The following TAF4 variants were observed in gnomAD, a reference collection of about 807,000 sequenced individuals.
TAF4 encodes transcription initiation factor TFIID subunit 4.
TAF4 carries 9 observed loss-of-function variants against 90.3 expected under a neutral mutation model. That is an observed-to-expected ratio of 0.10 (90% confidence interval 0.06 to 0.17). TAF4 has a LOEUF of 0.17. Among genes scored for constraint, TAF4 ranks in the 10% least tolerant of loss-of-function variants. The pLI, the probability that TAF4 is intolerant of heterozygous loss-of-function variation, is 1.00. For missense variants in TAF4, 1,351 were observed against 1,370.7 expected (o/e 0.99, Z 0.23); for synonymous variants, 818 against 638.9 (o/e 1.28, Z -4.23).
chr20:62,023,620 C>A (rs1417690028), intron 1 of TAF4, among the ~76,000 whole-genome samples: 1 of 151,328 alleles, frequency 6.6e-6, no homozygotes, highest in African/African-American at 2.4e-5. Context: ...TGGTGGCGCA[C>A]ACCTGTAATC....
chr20:61,979,719 C>T (rs1306451909), intron 14 of TAF4, among the ~76,000 whole-genome samples: 5 of 146,590 alleles, frequency 3.4e-5, no homozygotes, highest in Admixed American at 3.4e-4. Context: ...GACTGTGGCC[C>T]GTGCAGGCGC....
Position 62,065,159 on chromosome 20 carries a change from C to T in TAF4, c.652G>A (p.Val218Ile). 2.5e-6 allele frequency: 3 copies of T among 1,207,196 alleles called. No homozygotes were observed. Among genetic ancestry groups the T allele is most frequent in the Non-Finnish European group, 3.2e-6 (3 of 948,080 alleles). The allele number at this position is 1,207,196 out of a possible 1,614,324, so 74.8% of individuals were successfully genotyped here. A position where few individuals can be genotyped will look rare whatever the true frequency, so the allele number is the denominator to read the frequency against. The change falls in exon 1 of 15, where the codon GTC (valine) becomes ATC (isoleucine). Residue 218 changes from valine (V) to isoleucine (I), a missense_variant. Transcript: ENST00000252996. ...HHAAAPAVSL[V>I]NNGPAALLPL... The stretch of plus-strand genomic sequence containing the variant: ...AGCAGCGCGGCGGGCCCGTTGTTGA[C>T]CAGGCTGACAGCAGGTGCGGCGGCG...
chr20:62,036,853 CG>C (rs930770672), intron 1 of TAF4, among the ~76,000 whole-genome samples: 3 of 152,160 alleles, frequency 2.0e-5, no homozygotes, highest in African/African-American at 7.2e-5. Flanking sequence ...GTAGCAGAAG[CG>C]GGGGGACTTT....
chr20:62,025,712 T>C (rs1017133767), intron 1 of TAF4, among the ~76,000 whole-genome samples: 2 of 152,230 alleles, frequency 1.3e-5, no homozygotes, highest in East Asian at 1.9e-4. Context: ...CTTTCCTTTA[T>C]AAGTCACCCA....
chr20:62,052,279 G>A (rs756380541), intron 1 of TAF4, among the ~76,000 whole-genome samples: 11 of 138,406 alleles, frequency 7.9e-5, no homozygotes, highest in Non-Finnish European at 1.4e-4. Context: ...CCCGAAGCAC[G>A]AATCCAAATG....
intron 7 of TAF4, 54 bp from the exon 8 acceptor site, chr20:62,003,932 A>G: frequency 2.0e-6 from 3 of 1,499,814 alleles, no homozygotes; most frequent in Non-Finnish European, 2.6e-6. Flanking sequence ...GCCAGGGGCC[A>G]CTCAGTCCCT....
chr20:62,053,720 G>A (rs1440929002), intron 1 of TAF4, among the ~76,000 whole-genome samples: 1 of 152,242 alleles, frequency 6.6e-6, no homozygotes, highest in Non-Finnish European at 1.5e-5. Flanking sequence ...AGCACGGTCT[G>A]AGGCCTGCTG....
intron 14 of TAF4, among the ~76,000 whole-genome samples, chr20:61,981,956 G>T (rs112542310): frequency 1.1e-3 from 120 of 110,054 alleles, no homozygotes; most frequent in African/African-American, 4.0e-3. Context: ...CACACCCACC[G>T]GAGAGGAGAC....
intron 1 of TAF4, 171 bp downstream of exon 1, chr20:62,064,280 A>C (rs904436299): frequency 2.8e-6 from 2 of 704,322 alleles, no homozygotes; most frequent in East Asian, 3.4e-5. Context: ...TCACTCGCAG[A>C]CAGCCACCCG....
chr20:62,048,598 C>A (rs981209917), intron 1 of TAF4, among the ~76,000 whole-genome samples: 2 of 152,072 alleles, frequency 1.3e-5, no homozygotes, highest in Non-Finnish European at 2.9e-5. Context: ...CCCCACGTGC[C>A]CACCTCCGTC....
In TAF4 at chr20:62,006,401, T is replaced by C; in HGVS notation, c.2223+109A>G. On this transcript the variant is annotated intron_variant, in intron 7 of 14. Coordinates refer to ENST00000252996, the MANE Select transcript of TAF4 (RefSeq NM_003185.4). This position sits in a 1 kb window ranked among gnomAD's most constrained non-coding sequence, Gnocchi z 7.0. The stretch of plus-strand genomic sequence containing the variant: ...ACCCAAGCTTCCTCTAGCAGGAGGC[T>C]TCCTGCATGCTTGGAAAAGGTTTCT... 1 of 1,275,438 alleles carries C rather than the reference T, an allele frequency of 7.8e-7. No individual in the cohort carries two copies. The highest frequency in any genetic ancestry group is 1.0e-6 in the Non-Finnish European group (1 of 1,002,974). 79.0% of individuals were successfully genotyped at this position (1,275,438 alleles called of 1,614,324 possible).
chr20:62,012,204 A>C (rs1332570217), intron 3 of TAF4: 1 of 152,334 alleles, frequency 6.6e-6, no homozygotes, highest in African/African-American at 2.4e-5. Flanking sequence ...TGCTCTCACT[A>C]CAGACGAGGG....
chr20:62,010,397 C>T lies in TAF4; in HGVS notation c.1642-232G>A, dbSNP rs751543898. ...GAGCGGGTGAGGAAGGCATGATTTG[C>T]ACCTGCATCAAAAACGGACGTTCAC... On this transcript the variant is annotated intron_variant, in intron 3 of 14. Transcript: ENST00000252996. The surrounding 1 kb of genome is among the most constrained non-coding windows in gnomAD (Gnocchi z 4.5). Among the ~76,000 whole-genome samples the T allele has an allele frequency of 2.0e-5, 3 of 152,160 alleles. No homozygotes were observed. The highest frequency in any genetic ancestry group is 4.4e-5 in the Non-Finnish European group (3 of 68,020).
intron 1 of TAF4, among the ~76,000 whole-genome samples, chr20:62,016,066 G>C (rs903517378): frequency 1.8e-4 from 28 of 152,192 alleles, no homozygotes; most frequent in Non-Finnish European, 3.5e-4. Context: ...GGCCTCCAAG[G>C]CTCCGTCTCC....
intron 1 of TAF4, among the ~76,000 whole-genome samples, chr20:62,036,942 A>G (rs531195031): frequency 3.2e-4 from 49 of 152,310 alleles, no homozygotes; most frequent in Admixed American, 3.9e-4. Context: ...CCTTCCTTCC[A>G]CACTCTGAGG....
intron 1 of TAF4, among the ~76,000 whole-genome samples, chr20:62,044,874 G>A (rs954964283): frequency 7.9e-5 from 12 of 152,184 alleles, no homozygotes; most frequent in African/African-American, 2.9e-4. Flanking sequence ...GCCTGGGACA[G>A]GAAATACAGG....
chr20:62,017,253 G>A (rs2055817223), intron 1 of TAF4, among the ~76,000 whole-genome samples: 1 of 152,196 alleles, frequency 6.6e-6, no homozygotes, highest in Non-Finnish European at 1.5e-5. Context: ...AGGCTTCAGT[G>A]TCCGTCCCAG....
At chr20:61,996,211 GA>G (rs904622223) in intron 14 of TAF4, among the ~76,000 whole-genome samples, 2 of 150,398 alleles carry the variant, frequency 1.3e-5, no homozygotes, top group Non-Finnish European at 3.0e-5. Flanking sequence ...CTGTCTCTAC[GA>G]AAAAAAAAGA....
In TAF4 at chr20:62,065,602, G is replaced by T; in HGVS notation, c.209C>A (p.Ala70Asp). ...NHVVSGSPAG[A>D]AGAGPAAPAE... ...GGGGGCGGCCGGCCCTGCGCCCGCG[G>T]CTCCGGCCGGGCTGCCGCTCACAAC... is the stretch of plus-strand genomic sequence containing the variant. The change falls in exon 1 of 15, where the codon GCC (alanine) becomes GAC (aspartate). Residue 70 changes from alanine to aspartate, a missense_variant. Physicochemically the swap from Ala to Asp is moderately radical, Grantham distance 126. This residue lies in a region of TAF4 where 782 missense variants were observed against 536.6 expected (regional missense o/e 1.46). Coordinates refer to ENST00000252996, the MANE Select transcript of TAF4 (RefSeq NM_003185.4). The T allele has an allele frequency of 1.0e-6, 1 of 992,632 alleles. No homozygotes were observed. Among genetic ancestry groups the T allele is most frequent in the Non-Finnish European group, 1.2e-6 (1 of 836,794 alleles). 61.5% of individuals were successfully genotyped at this position (992,632 alleles called of 1,614,324 possible).
Sources: gnomAD v4.1 joint callset for allele counts (sites outside exome capture counted in the v4.1 genomes callset) on GRCh38, gnomAD v4.1.1 for gene constraint, gnomAD v4.1.1 regional missense constraint, Gnocchi (gnomAD v3.1) non-coding constraint, MANE v1.5 for transcripts, NCBI Gene and HGNC (gene_info 2026-07-23, HGNC 2026-07-21) for gene names.